Variants in PTGS1 observed in about 807,000 individuals in gnomAD.
PTGS1 encodes the protein prostaglandin-endoperoxide synthase 1, also known as prostaglandin G/H synthase 1.
Under a neutral mutation model 63.0 loss-of-function variants are expected in PTGS1, and 40 were observed. The observed-to-expected ratio is 0.63, with a 90% CI of 0.49 to 0.83. The LOEUF (loss-of-function observed/expected upper bound fraction) is 0.83. PTGS1 is among the 40% of genes least tolerant of loss of function. The pLI is 0.00. For synonymous variants in PTGS1, 298 were observed against 301.9 expected (o/e 0.99, Z 0.13); for missense variants, 709 against 786.5 (o/e 0.90, Z 1.18).
In PTGS1 at chr9:122,378,878, C is replaced by T; in HGVS notation, c.456C>T (p.Pro152=). The T allele has an allele frequency of 6.2e-7, 1 of 1,614,256 alleles. No homozygotes were observed. Among genetic ancestry groups the T allele is most frequent in the African/African-American group, 1.3e-5 (1 of 75,068 alleles). The change falls in exon 5 of 11, where the codon CCC becomes CCT. Residue 152 remains proline, a synonymous_variant. Coordinates refer to ENST00000362012, the MANE Select transcript of PTGS1 (RefSeq NM_000962.4). Reference sequence around the variant, plus strand: ...TGAGCTATTACACTCGTATTCTGCCCTCTGTGCCTAAAGATTGCCCCACAC... The same window carrying T: ...TGAGCTATTACACTCGTATTCTGCCTTCTGTGCCTAAAGATTGCCCCACAC... ...SNVSYYTRIL[P]SVPKDCPTPM... is the part of the protein sequence containing the mutation.
In PTGS1 at chr9:122,386,634, G is replaced by C. The variant is rs767959516; in HGVS notation, c.1198G>C (p.Glu400Gln). Residue 400 changes from glutamate (E) to glutamine (Q), a missense_variant, in exon 9 of 11, where the codon GAG becomes CAG. By Grantham distance (29) the Glu-to-Gln change is conservative (BLOSUM62 2). Transcript: ENST00000362012. The stretch of plus-strand genomic sequence containing the variant: ...TGACTCCTTCAAGGTGGGCTCCCAG[G>C]AGTACAGCTACGAGCAGTTCTTGTT... ...MPDSFKVGSQ[E>Q]YSYEQFLFNT... is the part of the protein sequence containing the mutation. 6.2e-7 allele frequency: 1 copy of C among 1,614,206 alleles called. No homozygotes were observed. The highest frequency in any genetic ancestry group is 2.2e-5 in the East Asian group (1 of 44,878).
At chr9:122,386,788 T>G in intron 9 of PTGS1, 56 bp downstream of exon 9, 1 of 1,582,294 alleles carries the variant, frequency 6.3e-7, no homozygotes, top group Non-Finnish European at 8.6e-7. Context: ...CCAGCAGACC[T>G]GGGTCCAAAT....
rs1239410224 is a variant in PTGS1, at chr9:122,383,507, A to G, written c.763-2A>G. The G allele has an allele frequency of 6.3e-7, 1 of 1,595,444 alleles. No homozygotes were observed. The highest frequency in any genetic ancestry group is 2.3e-5 in the East Asian group (1 of 44,356). ...AGGTTGCCAGGTGGCCCCATCCCAC[A>G]GGTGCTGGATGGAGAAATGTACCCG... On this transcript the variant is annotated splice_acceptor_variant, in intron 7 of 10. Transcript: ENST00000362012. LOFTEE classifies it high-confidence loss of function.
At chr9:122,371,525 G>A (rs904365867) in intron 2 of PTGS1, 13 of 1,356,000 alleles carry the variant, frequency 9.6e-6, no homozygotes, top group Non-Finnish European at 1.3e-5. Context: ...TGGGGAGAAG[G>A]GACAGTCCCT....
In PTGS1 at chr9:122,371,512, A is replaced by C. The variant is rs1836808937; in HGVS notation, c.94+240A>C. On this transcript the variant is annotated intron_variant, in intron 2 of 10. Transcript: ENST00000362012. Reference sequence around the variant, plus strand: ...AACAGCAGACTGGGATCTGGTGCCAACTTGGGGAGAAGGGACAGTCCCTAT... The same window carrying C: ...AACAGCAGACTGGGATCTGGTGCCACCTTGGGGAGAAGGGACAGTCCCTAT... 10 of 1,330,646 alleles carry C rather than the reference A, an allele frequency of 7.5e-6. No individual in the cohort carries two copies. The South Asian group carries it at 1.4e-4, about 19-fold the overall frequency. 82.4% of individuals were successfully genotyped at this position (1,330,646 alleles called of 1,614,324 possible).
intron 2 of PTGS1, among the ~76,000 whole-genome samples, chr9:122,376,555 A>C (rs1837177906): frequency 1.3e-5 from 2 of 152,104 alleles, no homozygotes; most frequent in Non-Finnish European, 2.9e-5. Context: ...CCCTGAGATG[A>C]CAGCATTTCA....
Position 122,377,911 on chromosome 9 carries a change from GTTA to G in PTGS1, c.108_110del (p.Tyr38del). ...TTCTCACCCACAGTGAATCCCTGTT[GTTA>G]CTATCCATGCCAGCACCAGGGCATC... is the stretch of plus-strand genomic sequence containing the variant. On this transcript the variant is annotated inframe_deletion, in exon 3 of 11. Transcript: ENST00000362012. 6.2e-7 allele frequency: 1 copy of G among 1,614,052 alleles called. No individual in the cohort carries two copies. The highest frequency in any genetic ancestry group is 8.5e-7 in the Non-Finnish European group (1 of 1,179,984).
chr9:122,391,673 T>C (rs1838294037), intron 10 of PTGS1, among the ~76,000 whole-genome samples: 1 of 151,812 alleles, frequency 6.6e-6, no homozygotes, highest in South Asian at 2.1e-4. Context: ...CTCCTTGTGA[T>C]CCTGGAACAG....
upstream of PTGS1, chr9:122,370,994 G>A: frequency 1.3e-6 from 2 of 1,522,520 alleles, no homozygotes; most frequent in Non-Finnish European, 1.8e-6. Context: ...CGGGGGAAGG[G>A]TGGGGAGGGG....
In PTGS1 at chr9:122,386,583, C is replaced by T; in HGVS notation, c.1147C>T (p.Leu383Phe). 1 of 1,614,228 alleles carries T rather than the reference C, an allele frequency of 6.2e-7. No homozygotes were observed. Among genetic ancestry groups the T allele is most frequent in the Non-Finnish European group, 8.5e-7 (1 of 1,180,046 alleles). Residue 383 changes from leucine (L) to phenylalanine (F), a missense_variant, in exon 9 of 11, where the codon CTC becomes TTC. Leu to Phe is a conservative substitution (Grantham distance 22, BLOSUM62 0). Transcript: ENST00000362012. ...CCGCATTGCCATGGAGTTCAACCAT[C>T]TCTACCACTGGCACCCCCTCATGCC... ...RNRIAMEFNH[L>F]YHWHPLMPDS...
chr9:122,383,470 A>AC (rs763191028), intron 7 of PTGS1, 39 bp from the exon 8 acceptor site: 4 of 1,562,678 alleles, frequency 2.6e-6, no homozygotes, highest in Non-Finnish European at 3.5e-6. Context: ...GCTGTGGGTG[A>AC]CCCCCAACCC....
chr9:122,390,432 A>C, intron 10 of PTGS1, 87 bp downstream of exon 10: 1 of 1,435,024 alleles, frequency 7.0e-7, no homozygotes, highest in Non-Finnish European at 9.5e-7. Flanking sequence ...GAACGGGACA[A>C]TACATGCGGC....
chr9:122,389,306 A>C (rs1838061811), intron 9 of PTGS1, among the ~76,000 whole-genome samples: 2 of 151,694 alleles, frequency 1.3e-5, no homozygotes, highest in South Asian at 4.2e-4. Flanking sequence ...ACCTGCCACC[A>C]CGCCCAGCTA....
intron 2 of PTGS1, among the ~76,000 whole-genome samples, chr9:122,373,441 A>G (rs1827346331): frequency 6.6e-6 from 1 of 152,148 alleles, no homozygotes; most frequent in African/African-American, 2.4e-5. Flanking sequence ...GGGCAGGCGG[A>G]GGGAGAGAAT....
intron 7 of PTGS1, 111 bp downstream of exon 7, chr9:122,381,858 G>A: frequency 8.7e-7 from 1 of 1,153,412 alleles, no homozygotes. Context: ...CCAACCACGG[G>A]AGTGGGAAGC....
rs770451161 is a variant in PTGS1, at chr9:122,386,451, A to G, written c.1015A>G (p.Thr339Ala). 6.2e-7 allele frequency: 1 copy of G among 1,614,072 alleles called. No homozygotes were observed. The highest frequency in any genetic ancestry group is 8.5e-7 in the Non-Finnish European group (1 of 1,179,966). Residue 339 changes from threonine (T) to alanine (A), a missense_variant, in exon 9 of 11, where the codon ACC becomes GCC. Physicochemically the swap from Thr to Ala is moderately conservative, Grantham distance 58 (BLOSUM62 0). Coordinates refer to ENST00000362012, the MANE Select transcript of PTGS1 (RefSeq NM_000962.4). Reference sequence around the variant, plus strand: ...TCCAATCCTGCCCTGCCCAGGGGAGACCATCAAGATTGTCATCGAGGAGTA... The same window carrying G: ...TCCAATCCTGCCCTGCCCAGGGGAGGCCATCAAGATTGTCATCGAGGAGTA... ...QTTRLILIGE[T>A]IKIVIEEYVQ...
At chr9:122,374,257 G>T (rs556348405) in intron 2 of PTGS1, among the ~76,000 whole-genome samples, 60 of 152,300 alleles carry the variant, frequency 3.9e-4, no homozygotes, top group Non-Finnish European at 7.8e-4. Context: ...TGATGGGGCA[G>T]TTGTGGGAGG....
At position 122,371,035 on chromosome 9, in the gene PTGS1, C is replaced by G. The variant is rs752230028; in HGVS notation, c.-50C>G. The G allele has an allele frequency of 1.3e-6, 2 of 1,562,548 alleles. No homozygotes were observed. The highest frequency in any genetic ancestry group is 2.3e-5 in the South Asian group (2 of 86,970). On this transcript the variant is annotated 5_prime_UTR_variant, in exon 1 of 11. Coordinates refer to ENST00000362012, the MANE Select transcript of PTGS1 (RefSeq NM_000962.4). ...CTGGAGCTCCGGGCAGTGTGCGAGGCGCACGCACAGGAGCCTGCACTCTGC... is the reference window on the plus strand; with the variant it reads ...CTGGAGCTCCGGGCAGTGTGCGAGGGGCACGCACAGGAGCCTGCACTCTGC...
In PTGS1 at chr9:122,392,151, T is replaced by A. The variant is rs146212807; in HGVS notation, c.1445-38T>A. 1.2e-4 allele frequency: 181 copies of A among 1,514,558 alleles called. 3 individuals are homozygous for A. In the African/African-American group the frequency reaches 2.3e-3, roughly 19 times the overall value. 93.8% of individuals were successfully genotyped at this position (1,514,558 alleles called of 1,614,324 possible). A position where few individuals can be genotyped will look rare whatever the true frequency, so the allele number is the denominator to read the frequency against. On this transcript the variant is annotated intron_variant, in intron 10 of 10. Transcript: ENST00000362012. ...CCCCAGGTTGACCTTAATGGCATCA[T>A]GGATCTGATGCTAGCATTTCCCCTT...
Sources: allele counts gnomAD v4.1 joint callset (sites outside exome capture counted in the v4.1 genomes callset), GRCh38; gene constraint gnomAD v4.1.1; transcripts MANE v1.5; gene names NCBI Gene and HGNC (gene_info 2026-07-23, HGNC 2026-07-21).